Variants in LCK observed in about 807,000 individuals in gnomAD.
LCK encodes LCK proto-oncogene, Src family tyrosine kinase.
Under a neutral mutation model 64.6 loss-of-function variants are expected in LCK, and 14 were observed. The ratio of observed to expected loss-of-function variants is 0.22; its 90% CI spans 0.14 to 0.34. The LOEUF (loss-of-function observed/expected upper bound fraction) is 0.34. Ranked by LOEUF, LCK falls within the 10% of genes least tolerant of loss-of-function variation. LCK has a pLI of 1.00. For missense variants in LCK, 434 were observed against 668.1 expected (o/e 0.65, Z 3.86); for synonymous variants, 277 against 263.6 (o/e 1.05, Z -0.49).
At chr1:32,256,566 C>A (rs1456134110) in intron 1 of LCK, among the ~76,000 whole-genome samples, 1 of 151,704 alleles carries the variant, frequency 6.6e-6, no homozygotes. Flanking sequence ...CCATTGCACT[C>A]CAGCCTGGGC....
Position 32,275,397 on chromosome 1 carries a change from G to C in LCK, c.355G>C (p.Ala119Pro). Residue 119 changes from alanine to proline, a missense_variant, in exon 5 of 13, where the codon GCG (alanine) becomes CCG (proline). Coordinates refer to ENST00000336890, the MANE Select transcript of LCK (RefSeq NM_005356.5). This position sits in a 1 kb window ranked among gnomAD's most constrained non-coding sequence, Gnocchi z 6.9. ...GFIPFNFVAK[A>P]NSLEPEPWFF... Reference sequence around the variant, plus strand: ...CATCCCCTTCAATTTTGTGGCCAAAGCGAACAGCCTGGAGCCCGAACCGTA... The same window carrying C: ...CATCCCCTTCAATTTTGTGGCCAAACCGAACAGCCTGGAGCCCGAACCGTA... 6.2e-7 allele frequency: 1 copy of C among 1,614,160 alleles called. No individual in the cohort carries two copies. Among genetic ancestry groups the C allele is most frequent in the Non-Finnish European group, 8.5e-7 (1 of 1,180,022 alleles).
intron 1 of LCK, among the ~76,000 whole-genome samples, chr1:32,269,756 A>G (rs551364652): frequency 4.5e-4 from 68 of 152,008 alleles, no homozygotes; most frequent in Middle Eastern, 3.4e-3. Context: ...AAAAGAAAAA[A>G]GAAAGAAACA....
chr1:32,256,412 C>T (rs1639634812), intron 1 of LCK, among the ~76,000 whole-genome samples: 2 of 152,034 alleles, frequency 1.3e-5, no homozygotes, highest in Non-Finnish European at 2.9e-5. Flanking sequence ...GCCTGGCCAA[C>T]ATGGTGAAAC....
chr1:32,275,231 G>C lies in LCK; in HGVS notation c.279-90G>C, dbSNP rs1452343468. 2.0e-6 allele frequency: 3 copies of C among 1,495,962 alleles called. No individual in the cohort carries two copies. Among genetic ancestry groups the C allele is most frequent in the Middle Eastern group, 1.8e-4 (1 of 5,556 alleles). 92.7% of individuals were successfully genotyped at this position (1,495,962 alleles called of 1,614,324 possible). ...TCAGTATTGCTGAGCCAGGGTTGGG[G>C]GAGGCTGGCTTAAGGGGTGGAGGGG... is the stretch of plus-strand genomic sequence containing the variant. On this transcript the variant is annotated intron_variant, in intron 4 of 12. Coordinates refer to ENST00000336890, the MANE Select transcript of LCK (RefSeq NM_005356.5). This position sits in a 1 kb window ranked among gnomAD's most constrained non-coding sequence, Gnocchi z 6.9.
intron 1 of LCK, among the ~76,000 whole-genome samples, chr1:32,256,024 T>C (rs1639623695): frequency 1.3e-5 from 2 of 152,076 alleles, no homozygotes; most frequent in South Asian, 2.1e-4. Flanking sequence ...TCCCAATACT[T>C]TGGGAGGCTG....
intron 1 of LCK, among the ~76,000 whole-genome samples, chr1:32,259,289 T>TAAAAA (rs10656936): frequency 0.011 from 1,419 of 124,110 alleles, 18 homozygotes; most frequent in East Asian, 0.037. Context: ...GCTTCTCAGG[T>TAAAAA]AAAAAAAAAA....
Position 32,275,531 on chromosome 1 carries a change from G to C in LCK, c.378-38G>C, listed in dbSNP as rs757025299. On this transcript the variant is annotated intron_variant, in intron 5 of 12. Transcript: ENST00000336890. This position sits in a 1 kb window ranked among gnomAD's most constrained non-coding sequence, Gnocchi z 6.9. ...TGAGGGCCACGGAGGAAGATCCGAC[G>C]ACAGCCGACGGCCTTCGTTCGCTTC... 6 of 1,553,500 alleles carry C rather than the reference G, an allele frequency of 3.9e-6. No homozygotes were observed. In the South Asian group the frequency reaches 7.0e-5, roughly 18 times the overall value.
chr1:32,285,021 C>T (rs1467523419), intron 12 of LCK, among the ~76,000 whole-genome samples: 1 of 148,684 alleles, frequency 6.7e-6, no homozygotes, highest in Non-Finnish European at 1.5e-5. Flanking sequence ...AGTAAATAAT[C>T]AGGTGGGCAC....
chr1:32,284,652 G>A (rs944438833), intron 12 of LCK, among the ~76,000 whole-genome samples: 13 of 152,156 alleles, frequency 8.5e-5, no homozygotes, highest in Admixed American at 4.6e-4. Flanking sequence ...TTACAGGCAT[G>A]AGCCACCATG....
At chr1:32,264,564 C>T (rs1200245653) in intron 1 of LCK, among the ~76,000 whole-genome samples, 6 of 152,008 alleles carry the variant, frequency 3.9e-5, no homozygotes, top group African/African-American at 1.2e-4. Context: ...TTGGGACAAT[C>T]ACTGAACCTC....
At chr1:32,261,772 T>C (rs1639777944) in intron 1 of LCK, among the ~76,000 whole-genome samples, 1 of 148,738 alleles carries the variant, frequency 6.7e-6, no homozygotes, top group African/African-American at 2.5e-5. Context: ...ACCAACATGG[T>C]GAAACCCCGT....
Position 32,276,044 on chromosome 1 carries a change from A to G in LCK, c.612A>G (p.Glu204=), listed in dbSNP as rs369593995. Residue 204 remains glutamate, a synonymous_variant, in exon 7 of 13, where the codon GAA becomes GAG. Transcript: ENST00000336890. The surrounding 1 kb of genome is among the most constrained non-coding windows in gnomAD (Gnocchi z 4.6). ...SPRITFPGLH[E]LVRHYTNASD... ...GAATCACTTTTCCCGGCCTGCATGA[A>G]CTGGTCCGCCATTACACCAGTGAGC... 17 of 1,613,732 alleles carry G rather than the reference A, an allele frequency of 1.1e-5. No homozygotes were observed. The African/African-American group carries it at 2.3e-4, about 22-fold the overall frequency.
At chr1:32,270,141 C>T (rs1316434276) in intron 1 of LCK, among the ~76,000 whole-genome samples, 3 of 151,796 alleles carry the variant, frequency 2.0e-5, no homozygotes, top group African/African-American at 7.3e-5. Flanking sequence ...GACAGAGTCT[C>T]TGTCACCCAA....
intron 1 of LCK, among the ~76,000 whole-genome samples, chr1:32,266,070 C>T (rs1639900116): frequency 6.6e-6 from 1 of 152,188 alleles, no homozygotes; most frequent in African/African-American, 2.4e-5. Context: ...AGTGATCCTC[C>T]CCACTCAGCC....
chr1:32,258,837 A>G (rs1295022536), intron 1 of LCK, among the ~76,000 whole-genome samples: 1 of 148,856 alleles, frequency 6.7e-6, no homozygotes, highest in East Asian at 2.0e-4. Flanking sequence ...AGCCTGTGTG[A>G]CGTGGTGAGA....
rs375069054 is a variant in LCK at position 32,279,764 on chromosome 1, G to C, written c.1041+17G>C. The C allele has an allele frequency of 1.2e-6, 2 of 1,609,250 alleles. No homozygotes were observed. Among genetic ancestry groups the C allele is most frequent in the Non-Finnish European group, 1.7e-6 (2 of 1,176,064 alleles). On this transcript the variant is annotated intron_variant, in intron 10 of 12. Coordinates refer to ENST00000336890, the MANE Select transcript of LCK (RefSeq NM_005356.5). ...GCAGCCCAAGTAAGGAGACTGGGGAGGGGGGCTGGGCAAGGGAACAGACCA... is the reference window on the plus strand; with the variant it reads ...GCAGCCCAAGTAAGGAGACTGGGGACGGGGGCTGGGCAAGGGAACAGACCA...
intron 1 of LCK, among the ~76,000 whole-genome samples, chr1:32,271,971 G>C (rs944817662): frequency 6.6e-6 from 1 of 152,150 alleles, no homozygotes; most frequent in Admixed American, 6.6e-5. Context: ...GGGTGAGAGG[G>C]AAGCAAAGAG....
intron 1 of LCK, among the ~76,000 whole-genome samples, chr1:32,262,037 C>G (rs1407563239): frequency 6.7e-6 from 1 of 148,818 alleles, no homozygotes; most frequent in Non-Finnish European, 1.5e-5. Flanking sequence ...TCACGTGCCA[C>G]CACACCCAGA....
chr1:32,267,048 C>T (rs772361943), intron 1 of LCK, among the ~76,000 whole-genome samples: 10 of 151,320 alleles, frequency 6.6e-5, no homozygotes, highest in Admixed American at 2.6e-4. Context: ...AAGGCTCATA[C>T]GACTATCACA....
Sources: allele counts gnomAD v4.1 joint callset (sites outside exome capture counted in the v4.1 genomes callset), GRCh38; gene constraint gnomAD v4.1.1; non-coding constraint Gnocchi (gnomAD v3.1); transcripts MANE v1.5; gene names NCBI Gene and HGNC (gene_info 2026-07-23, HGNC 2026-07-21).